Variants in PPIP5K2 observed in about 807,000 individuals in gnomAD.
PPIP5K2 encodes the protein inositol hexakisphosphate and diphosphoinositol-pentakisphosphate kinase 2.
A neutral mutation model predicts 154.6 loss-of-function variants in PPIP5K2; 105 were observed. That is an observed-to-expected ratio of 0.68 (90% CI 0.58 to 0.80). The LOEUF (loss-of-function observed/expected upper bound fraction) is 0.80. Among genes scored for constraint, PPIP5K2 ranks in the 30% least tolerant of loss-of-function variants. The probability of loss-of-function intolerance (pLI) is 0.00; values close to 1 mark genes in which losing one functional copy is unlikely to be tolerated. For missense variants in PPIP5K2, 992 were observed against 1,504.6 expected (o/e 0.66, Z 5.64); for synonymous variants, 480 against 490.3 (o/e 0.98, Z 0.28).
intron 2 of PPIP5K2, among the ~76,000 whole-genome samples, chr5:103,132,894 A>G (rs1790870623): frequency 1.3e-5 from 2 of 152,220 alleles, no homozygotes; most frequent in South Asian, 4.1e-4. Flanking sequence ...ACCAATGAGT[A>G]GGAGTTTTGA....
At chr5:103,135,031 T>C (rs1397860651) in intron 3 of PPIP5K2, among the ~76,000 whole-genome samples, 2 of 152,230 alleles carry the variant, frequency 1.3e-5, no homozygotes, top group African/African-American at 4.8e-5. Context: ...GGTAGTACTA[T>C]AAAATATAGT....
chr5:103,162,973 G>T (rs1796554299), intron 17 of PPIP5K2, among the ~76,000 whole-genome samples: 1 of 150,748 alleles, frequency 6.6e-6, no homozygotes, highest in Admixed American at 6.6e-5. Flanking sequence ...TTACTCAGAA[G>T]TACCATATTT....
rs1554230653 is a variant in PPIP5K2, at chr5:103,201,854, G to A, written c.*220G>A. 8.4e-6 allele frequency: 4 copies of A among 475,204 alleles called. No individual in the cohort carries two copies. In the East Asian group the frequency reaches 1.2e-4, roughly 14 times the overall value. The allele number at this position is 475,204 out of a possible 1,614,324, so 29.4% of individuals were successfully genotyped here. ...CTTATAGTGATAAAAATCGATTGTT[G>A]TTAATATGATGTTTACCATGTGCAC... is the stretch of plus-strand genomic sequence containing the variant. On this transcript the variant is annotated 3_prime_UTR_variant, in exon 31 of 31. Coordinates refer to ENST00000358359, the MANE Select transcript of PPIP5K2 (RefSeq NM_001276277.3).
chr5:103,177,650 A>G lies in PPIP5K2; in HGVS notation c.2530-17A>G, dbSNP rs782644717. ...CACAGTTTGAGAAAATGATTACCACATGTATCTTTTGTTCAGGAATCAAAG... is the reference window on the plus strand; with the variant it reads ...CACAGTTTGAGAAAATGATTACCACGTGTATCTTTTGTTCAGGAATCAAAG... On this transcript the variant is annotated splice_polypyrimidine_tract_variant and intron_variant, in intron 21 of 30. Transcript: ENST00000358359. The G allele has an allele frequency of 6.5e-6, 10 of 1,541,280 alleles. No homozygotes were observed. The highest frequency in any genetic ancestry group is 5.8e-5 in the South Asian group (5 of 85,792).
chr5:103,195,078 G>A (rs782141776), intron 30 of PPIP5K2, 53 bp downstream of exon 30: 3 of 1,584,208 alleles, frequency 1.9e-6, no homozygotes, highest in Admixed American at 1.9e-5. Flanking sequence ...TAGAGGAATA[G>A]TAACTTGCTT....
chr5:103,162,787 G>A (rs1274715033), intron 17 of PPIP5K2, among the ~76,000 whole-genome samples: 1 of 151,936 alleles, frequency 6.6e-6, no homozygotes, highest in Non-Finnish European at 1.5e-5. Flanking sequence ...GAGGCCATAA[G>A]ATATATATAT....
At position 103,148,006 on chromosome 5, in the gene PPIP5K2, A is replaced by G; in HGVS notation, c.718A>G (p.Met240Val). 1 of 1,593,368 alleles carries G rather than the reference A, an allele frequency of 6.3e-7. No individual in the cohort carries two copies. The highest frequency in any genetic ancestry group is 8.6e-7 in the Non-Finnish European group (1 of 1,165,836). The change falls in exon 7 of 31, where the codon ATG becomes GTG. Residue 240 changes from methionine (M) to valine (V), a missense_variant. Coordinates refer to ENST00000358359, the MANE Select transcript of PPIP5K2 (RefSeq NM_001276277.3). ...KTGSYIYEEF[M>V]PTDGTDVKVY... ...AGGCTCATATATATATGAAGAGTTT[A>G]TGCCCACAGATGGTACTGATGTTAA...
intron 1 of PPIP5K2, among the ~76,000 whole-genome samples, chr5:103,123,828 A>C (rs1305518358): frequency 6.6e-6 from 1 of 152,230 alleles, no homozygotes; most frequent in Non-Finnish European, 1.5e-5. Context: ...TTATGCCCAG[A>C]CAGTTAGCAT....
Position 103,161,423 on chromosome 5 carries a change from T to C in PPIP5K2, c.1920+2095T>C, listed in dbSNP as rs555897303. On this transcript the variant is annotated intron_variant, in intron 17 of 30. Coordinates refer to ENST00000358359, the MANE Select transcript of PPIP5K2 (RefSeq NM_001276277.3). Reference sequence around the variant, plus strand: ...TGAATGGTGCCACAATAAACATACGTGTGCATGTGTCTTTACAGCAGCATG... The same window carrying C: ...TGAATGGTGCCACAATAAACATACGCGTGCATGTGTCTTTACAGCAGCATG... Among the ~76,000 whole-genome samples the C allele has an allele frequency of 9.2e-5, 14 of 152,332 alleles. No individual in the cohort carries two copies. The East Asian group carries it at 2.5e-3, about 27-fold the overall frequency.
At position 103,180,145 on chromosome 5, in the gene PPIP5K2, G is replaced by A. The variant is rs1554222179; in HGVS notation, c.2879G>A (p.Arg960Lys). 2.5e-6 allele frequency: 4 copies of A among 1,599,176 alleles called. No individual in the cohort carries two copies. The highest frequency in any genetic ancestry group is 1.1e-5 in the South Asian group (1 of 88,164). Reference sequence around the variant, plus strand: ...GTATCAGAGCCAATTCATATACACAGGAAGTCTCCACTTCCAAGATCTAGG... The same window carrying A: ...GTATCAGAGCCAATTCATATACACAAGAAGTCTCCACTTCCAAGATCTAGG... ...PMVSEPIHIH[R>K]KSPLPRSRKT... Residue 960 changes from arginine to lysine, a missense_variant, in exon 24 of 31, where the codon AGG becomes AAG. By Grantham distance (26) the Arg-to-Lys change is conservative. Around this residue, in one of 9 missense-constraint regions of PPIP5K2, gnomAD observed 204 missense variants for 224.0 expected, o/e 0.91. Transcript: ENST00000358359.
intron 28 of PPIP5K2, among the ~76,000 whole-genome samples, chr5:103,190,404 T>C (rs1314778861): frequency 6.6e-6 from 1 of 152,024 alleles, no homozygotes; most frequent in Non-Finnish European, 1.5e-5. Context: ...CTAAAATAAT[T>C]ATTCACAAGT....
Position 103,158,278 on chromosome 5 carries a change from G to A in PPIP5K2, c.1580G>A (p.Gly527Glu), listed in dbSNP as rs1276783468. The A allele has an allele frequency of 6.2e-7, 1 of 1,613,910 alleles. No individual in the cohort carries two copies. Among genetic ancestry groups the A allele is most frequent in the Non-Finnish European group, 8.5e-7 (1 of 1,179,954 alleles). The stretch of plus-strand genomic sequence containing the variant: ...GGCAGGGTCCAGGCTGAAGAACTTG[G>A]AAGAGCCTTCAGGTGTATGTATCCT... ...PAGRVQAEEL[G>E]RAFRCMYPGG... Residue 527 changes from glycine (G) to glutamate (E), a missense_variant, in exon 15 of 31, where the codon GGA becomes GAA. This residue lies in a region of PPIP5K2 where 163 missense variants were observed against 285.2 expected (regional missense o/e 0.57). Coordinates refer to ENST00000358359, the MANE Select transcript of PPIP5K2 (RefSeq NM_001276277.3).
Position 103,145,141 on chromosome 5 carries a change from G to T in PPIP5K2, c.488-1386G>T, listed in dbSNP as rs561496478. 3.8e-4 allele frequency among the ~76,000 whole-genome samples: 58 copies of T among 152,114 alleles called. 1 individual carries two copies. Among genetic ancestry groups the T allele is most frequent in the Admixed American group, 3.3e-3 (50 of 15,282 alleles). On this transcript the variant is annotated intron_variant, in intron 5 of 30. Transcript: ENST00000358359. ...AAGGAAGACATACAAATGGCCAATA[G>T]GTATATGAAAATATGCTCAACGTCA...
At chr5:103,184,812 C>G in intron 26 of PPIP5K2, 68 bp downstream of exon 26, 1 of 1,257,446 alleles carries the variant, frequency 8.0e-7, no homozygotes, top group Non-Finnish European at 1.1e-6. Context: ...ACATGTAAAA[C>G]TCTTTGGTGA....
chr5:103,123,334 G>C (rs572882013), intron 1 of PPIP5K2, among the ~76,000 whole-genome samples: 2 of 152,288 alleles, frequency 1.3e-5, no homozygotes, highest in African/African-American at 4.8e-5. Flanking sequence ...TTCAAACCCA[G>C]TTTTGAGTCT....
At chr5:103,153,339 A>G (rs1199561943) in intron 10 of PPIP5K2, among the ~76,000 whole-genome samples, 2 of 151,910 alleles carry the variant, frequency 1.3e-5, no homozygotes, top group East Asian at 3.9e-4. Flanking sequence ...TTCACACTTC[A>G]GCACACACTA....
chr5:103,157,409 A>C (rs1554213833), intron 14 of PPIP5K2, among the ~76,000 whole-genome samples: 2 of 152,214 alleles, frequency 1.3e-5, no homozygotes, highest in South Asian at 4.1e-4. Context: ...TAAAATTTAA[A>C]TTAGAATAAA....
intron 21 of PPIP5K2, among the ~76,000 whole-genome samples, chr5:103,175,910 A>C (rs1426882232): frequency 6.6e-6 from 1 of 152,058 alleles, no homozygotes; most frequent in Non-Finnish European, 1.5e-5. Flanking sequence ...ACTAAGATGA[A>C]AATTAAAGTC....
intron 7 of PPIP5K2, among the ~76,000 whole-genome samples, chr5:103,148,916 TA>T (rs1794162443): frequency 6.6e-6 from 1 of 152,122 alleles, no homozygotes; most frequent in Non-Finnish European, 1.5e-5. Context: ...ATACTCAATA[TA>T]ATAGTTTTCT....
Sources: allele counts gnomAD v4.1 joint callset (sites outside exome capture counted in the v4.1 genomes callset), GRCh38; gene constraint gnomAD v4.1.1; regional missense constraint gnomAD v4.1.1; transcripts MANE v1.5; gene names NCBI Gene and HGNC (gene_info 2026-07-23, HGNC 2026-07-21).